The following EPHA6 variants were observed in gnomAD, a reference collection of about 807,000 sequenced individuals.
The protein encoded by EPHA6 is ephrin type-A receptor 6.
EPHA6 carries 50 observed loss-of-function variants against 112.0 expected under a neutral mutation model. The observed-to-expected ratio is 0.45, with a 90% CI of 0.36 to 0.56. The LOEUF is 0.56. Among genes scored for constraint, EPHA6 ranks in the 20% least tolerant of loss-of-function variants. The pLI, the probability that EPHA6 is intolerant of heterozygous loss-of-function variation, is 0.00. For missense variants in EPHA6, 1,280 were observed against 1,417.4 expected, an observed-to-expected ratio of 0.90 and a Z score of 1.56; for synonymous variants, 529 against 490.7, an observed-to-expected ratio of 1.08 and a Z score of -1.03.
At chr3:97,274,068 A>G (rs376421360) in intron 5 of EPHA6, among the ~76,000 whole-genome samples, 3 of 152,280 alleles carry the variant, frequency 2.0e-5, no homozygotes, top group South Asian at 2.1e-4. Context: ...GATTTCCACG[A>G]TGGAAAGGAA....
chr3:96,892,350 C>T (rs1035699823), intron 2 of EPHA6, among the ~76,000 whole-genome samples: 1 of 151,830 alleles, frequency 6.6e-6, no homozygotes, highest in East Asian at 1.9e-4. Context: ...CCTCCTGAGT[C>T]GCTGGGACTA....
At chr3:96,840,672 G>A (rs1006451602) in intron 1 of EPHA6, among the ~76,000 whole-genome samples, 27 of 152,116 alleles carry the variant, frequency 1.8e-4, no homozygotes, top group African/African-American at 6.5e-4. Context: ...TTCTGGAGTG[G>A]GCAAGAACAC....
chr3:96,846,916 G>T (rs556538584), intron 1 of EPHA6, among the ~76,000 whole-genome samples: 2 of 152,110 alleles, frequency 1.3e-5, no homozygotes, highest in East Asian at 3.9e-4. Flanking sequence ...TCTCATGTTT[G>T]GTTGTTTGAC....
At chr3:97,324,527 T>TTCTTTCTTTCTCTCTTTCTC (rs1553746479) in intron 5 of EPHA6, among the ~76,000 whole-genome samples, 2 of 141,910 alleles carry the variant, frequency 1.4e-5, no homozygotes, top group Non-Finnish European at 3.0e-5. Context: ...CTTTCTTTCT[T>TTCTTTCTTTCTCTCTTTCTC]TCTTTCTCTC....
intron 5 of EPHA6, among the ~76,000 whole-genome samples, chr3:97,403,259 GT>G (rs2109117669): frequency 6.6e-6 from 1 of 151,564 alleles, no homozygotes; most frequent in East Asian, 1.9e-4. Flanking sequence ...TAAGAAAAAA[GT>G]TTTTCTTATT....
chr3:97,423,856 T>C (rs1296618502), intron 6 of EPHA6, among the ~76,000 whole-genome samples: 5 of 152,134 alleles, frequency 3.3e-5, no homozygotes, highest in Non-Finnish European at 7.4e-5. Flanking sequence ...CTCACACCTA[T>C]GGCCATCTGA....
intron 14 of EPHA6, among the ~76,000 whole-genome samples, chr3:97,657,510 A>G (rs2094144272): frequency 6.6e-6 from 1 of 151,832 alleles, no homozygotes; most frequent in Non-Finnish European, 1.5e-5. Flanking sequence ...ACAGTAGGTT[A>G]TAAACTTGGA....
intron 14 of EPHA6, among the ~76,000 whole-genome samples, chr3:97,646,461 T>C (rs2094064531): frequency 6.6e-6 from 1 of 152,304 alleles, no homozygotes; most frequent in Middle Eastern, 3.4e-3. Context: ...TCAACTTGAG[T>C]GTTTTGCATG....
chr3:97,336,526 G>T (rs1007150956), intron 5 of EPHA6, among the ~76,000 whole-genome samples: 3 of 152,164 alleles, frequency 2.0e-5, no homozygotes, highest in African/African-American at 7.2e-5. Context: ...TTTTATCCAT[G>T]CTGGACCTTA....
At chr3:97,018,263 C>T (rs1351794416) in intron 3 of EPHA6, among the ~76,000 whole-genome samples, 1 of 151,620 alleles carries the variant, frequency 6.6e-6, no homozygotes, top group African/African-American at 2.4e-5. Context: ...GTGTAGGGAC[C>T]AGCCCCACAG....
intron 3 of EPHA6, among the ~76,000 whole-genome samples, chr3:97,196,485 T>A (rs2077445270): frequency 6.6e-6 from 1 of 152,098 alleles, no homozygotes; most frequent in Admixed American, 6.6e-5. Flanking sequence ...TGATCACTGG[T>A]GCCTTATTTA....
chr3:97,073,944 A>G (rs2046435806), intron 3 of EPHA6, among the ~76,000 whole-genome samples: 1 of 152,014 alleles, frequency 6.6e-6, no homozygotes, highest in South Asian at 2.1e-4. Context: ...TATATTTTTA[A>G]CGTGTTTATT....
At chr3:96,958,295 G>GA (rs1051731849) in intron 2 of EPHA6, among the ~76,000 whole-genome samples, 2,207 of 119,230 alleles carry the variant, frequency 0.019, 49 homozygotes, top group African/African-American at 0.056. Context: ...TGTCCCTAAA[G>GA]AAAAAAAAAA....
chr3:97,711,431 A>G (rs1484839064), intron 14 of EPHA6, among the ~76,000 whole-genome samples: 2 of 151,930 alleles, frequency 1.3e-5, no homozygotes, highest in African/African-American at 4.8e-5. Flanking sequence ...ATATATAATT[A>G]TGGGAATTCA....
chr3:97,214,269 C>A (rs1379660405), intron 3 of EPHA6, among the ~76,000 whole-genome samples: 1 of 151,996 alleles, frequency 6.6e-6, no homozygotes, highest in Non-Finnish European at 1.5e-5. Flanking sequence ...AAACTCCAGA[C>A]CACAAGTGAT....
intron 10 of EPHA6, among the ~76,000 whole-genome samples, chr3:97,514,663 A>G (rs1008596162): frequency 1.1e-4 from 16 of 152,112 alleles, no homozygotes; most frequent in African/African-American, 3.9e-4. Flanking sequence ...ATGTTTGGAG[A>G]TAGGATTTTG....
chr3:97,081,882 A>G (rs1356390240), intron 3 of EPHA6, among the ~76,000 whole-genome samples: 1 of 151,552 alleles, frequency 6.6e-6, no homozygotes, highest in Admixed American at 6.6e-5. Context: ...TTGGGGAACA[A>G]AATTTATATA....
At chr3:96,867,580 T>G (rs1269053266) in intron 2 of EPHA6, among the ~76,000 whole-genome samples, 2 of 151,862 alleles carry the variant, frequency 1.3e-5, no homozygotes, top group Non-Finnish European at 2.9e-5. Flanking sequence ...GCATTTTGCT[T>G]TGATTTTTGT....
chr3:97,069,077 GCA>G (rs2046273603), intron 3 of EPHA6, among the ~76,000 whole-genome samples: 1 of 152,070 alleles, frequency 6.6e-6, no homozygotes, highest in African/African-American at 2.4e-5. Context: ...GCTGTTGCCT[GCA>G]CAGTTGAAAA....
Sources: allele counts gnomAD v4.1 joint callset (sites outside exome capture counted in the v4.1 genomes callset), GRCh38; gene constraint gnomAD v4.1.1; transcripts MANE v1.5; gene names NCBI Gene and HGNC (gene_info 2026-07-23, HGNC 2026-07-21).